The following HBQ1 variants were observed in gnomAD, a reference collection of about 807,000 sequenced individuals.
The protein encoded by HBQ1 is hemoglobin subunit theta-1.
HBQ1 carries 9 observed loss-of-function variants against 8.2 expected under a neutral mutation model. The ratio of observed to expected loss-of-function variants is 1.10; its 90% CI spans 0.66 to 1.92. HBQ1 has a LOEUF of 1.92. Among genes scored for constraint, HBQ1 ranks in the 40% most tolerant of loss-of-function variants. The pLI is 0.00. For synonymous variants in HBQ1, 102 were observed against 100.0 expected (o/e 1.02, Z -0.12); for missense variants, 216 against 189.3 (o/e 1.14, Z -0.83).
chr16:180,611 G>T, intron 1 of HBQ1, 30 bp downstream of exon 1: 1 of 1,513,652 alleles, frequency 6.6e-7, no homozygotes. Context: ...CCCGCCCCCA[G>T]GGGCCCTCCC....
In HBQ1 at chr16:180,464, G is replaced by A. The variant is rs1435496434; in HGVS notation, c.-23G>A. ...CGCGCAGGCGCAGCGGGGTCGCAGG[G>A]CGCGGCGGGTTCCAGCGCGGGGATG... On this transcript the variant is annotated 5_prime_UTR_variant, in exon 1 of 3. Coordinates refer to ENST00000199708, the MANE Select transcript of HBQ1 (RefSeq NM_005331.5). The A allele has an allele frequency of 9.0e-6, 13 of 1,438,048 alleles. No individual in the cohort carries two copies. Among genetic ancestry groups the A allele is most frequent in the Admixed American group, 2.4e-5 (1 of 41,378 alleles). The allele number at this position is 1,438,048 out of a possible 1,614,324, so 89.1% of individuals were successfully genotyped here. A position where few individuals can be genotyped will look rare whatever the true frequency, so the allele number is the denominator to read the frequency against.
In HBQ1 at chr16:180,467, C is replaced by T. The variant is rs1219685511; in HGVS notation, c.-20C>T. The T allele has an allele frequency of 2.8e-6, 4 of 1,449,842 alleles. No homozygotes were observed. The highest frequency in any genetic ancestry group is 2.7e-6 in the Non-Finnish European group (3 of 1,099,518). The allele number at this position is 1,449,842 out of a possible 1,614,324, so 89.8% of individuals were successfully genotyped here. On this transcript the variant is annotated 5_prime_UTR_variant, in exon 1 of 3. Coordinates refer to ENST00000199708, the MANE Select transcript of HBQ1 (RefSeq NM_005331.5). The stretch of plus-strand genomic sequence containing the variant: ...GCAGGCGCAGCGGGGTCGCAGGGCG[C>T]GGCGGGTTCCAGCGCGGGGATGGCG...
Position 180,813 on chromosome 16 carries a change from G to T in HBQ1, c.243G>T (p.Leu81=). The change falls in exon 2 of 3, where the codon CTG becomes CTT. Residue 81 remains leucine (L), a synonymous_variant. Transcript: ENST00000199708. The part of the protein sequence containing the change: ...VERLDDLPHA[L]SALSHLHACQ... Reference sequence around the variant, plus strand: ...GCCTGGACGACCTACCCCACGCGCTGTCCGCGCTGAGCCACCTGCACGCGT... The same window carrying T: ...GCCTGGACGACCTACCCCACGCGCTTTCCGCGCTGAGCCACCTGCACGCGT... 6.4e-7 allele frequency: 1 copy of T among 1,555,006 alleles called. No homozygotes were observed. Among genetic ancestry groups the T allele is most frequent in the Non-Finnish European group, 8.7e-7 (1 of 1,154,220 alleles).
chr16:180,617 C>CA, intron 1 of HBQ1, 36 bp downstream of exon 1: 1 of 1,528,988 alleles, frequency 6.5e-7, no homozygotes, highest in Non-Finnish European at 8.8e-7. Flanking sequence ...CCCAGGGGCC[C>CA]TCCCTCCCCA....
chr16:180,777 C>A lies in HBQ1; in HGVS notation c.207C>A (p.Leu69=). 6.4e-7 allele frequency: 1 copy of A among 1,567,962 alleles called. No individual in the cohort carries two copies. The change falls in exon 2 of 3, where the codon CTC becomes CTA. Residue 69 remains leucine (L), a synonymous_variant. Coordinates refer to ENST00000199708, the MANE Select transcript of HBQ1 (RefSeq NM_005331.5). ...AGAAGGTGGCGGACGCGCTGAGCCT[C>A]GCCGTGGAGCGCCTGGACGACCTAC... ...HGQKVADALS[L]AVERLDDLPH... is the part of the protein sequence containing the mutation.
In HBQ1 at chr16:181,032, T is replaced by G. The variant is rs1408514611; in HGVS notation, c.353T>G (p.Phe118Cys). The G allele has an allele frequency of 1.9e-6, 3 of 1,613,098 alleles. No individual in the cohort carries two copies. The part of the protein sequence containing the change: ...VTLARHYPGD[F>C]SPALQASLDK... ...CTCGCCCGGCACTACCCCGGAGACT[T>G]CAGCCCCGCGCTGCAGGCGTCGCTG... Residue 118 changes from phenylalanine (F) to cysteine (C), a missense_variant, in exon 3 of 3, where the codon TTC becomes TGC. By Grantham distance (205) the Phe-to-Cys change is radical. Coordinates refer to ENST00000199708, the MANE Select transcript of HBQ1 (RefSeq NM_005331.5).
At chr16:180,937 G>A (rs1902251348) in intron 2 of HBQ1, 43 bp from the exon 3 acceptor site, 1 of 1,524,898 alleles carries the variant, frequency 6.6e-7, no homozygotes, top group East Asian at 2.4e-5. Context: ...CGGGGGGCGT[G>A]CGGGGCGGGT....
intron 1 of HBQ1, 33 bp downstream of exon 1, chr16:180,614 G>GCCCT: frequency 6.5e-7 from 1 of 1,528,550 alleles, no homozygotes; most frequent in Admixed American, 2.0e-5. Context: ...GCCCCCAGGG[G>GCCCT]CCCTCCCTCC....
chr16:180,653 G>C lies in HBQ1; in HGVS notation c.96-13G>C, dbSNP rs1902243514. On this transcript the variant is annotated splice_polypyrimidine_tract_variant and intron_variant, in intron 1 of 2. Transcript: ENST00000199708. ...AGCCCCCCGGACGCGCCTCACCCACGTTCCTCTCGCAGGACCTTCCTGGCT... is the reference window on the plus strand; with the variant it reads ...AGCCCCCCGGACGCGCCTCACCCACCTTCCTCTCGCAGGACCTTCCTGGCT... The C allele has an allele frequency of 3.1e-6, 4 of 1,276,158 alleles. No homozygotes were observed. The highest frequency in any genetic ancestry group is 4.2e-6 in the Non-Finnish European group (4 of 955,340). 79.1% of individuals were successfully genotyped at this position (1,276,158 alleles called of 1,614,324 possible).
chr16:181,045 G>C lies in HBQ1; in HGVS notation c.366G>C (p.Leu122=). Residue 122 remains leucine, a synonymous_variant, in exon 3 of 3, where the codon CTG becomes CTC. Transcript: ENST00000199708. ...ACCCCGGAGACTTCAGCCCCGCGCT[G>C]CAGGCGTCGCTGGACAAGTTCCTGA... ...RHYPGDFSPA[L]QASLDKFLSH... The C allele has an allele frequency of 1.9e-6, 3 of 1,613,244 alleles. No individual in the cohort carries two copies. Among genetic ancestry groups the C allele is most frequent in the Non-Finnish European group, 2.5e-6 (3 of 1,179,878 alleles).
In HBQ1 at chr16:181,097, G is replaced by T. The variant is rs1237088449; in HGVS notation, c.418G>T (p.Glu140Ter). 16 of 1,613,166 alleles carry T rather than the reference G, an allele frequency of 9.9e-6. No homozygotes were observed. Among genetic ancestry groups the T allele is most frequent in the East Asian group, 2.2e-5 (1 of 44,852 alleles). The change falls in exon 3 of 3, where the codon GAG (glutamate) becomes TAG (stop). Residue 140 changes from glutamate to a stop codon, truncating the protein, a stop_gained. Transcript: ENST00000199708. LOFTEE classifies it high-confidence loss of function. ...CCACGTTATCTCGGCGCTGGTTTCC[G>T]AGTACCGCTGAACTGTGGGTGGGTG... is the stretch of plus-strand genomic sequence containing the variant. ...LSHVISALVS[E>*]YR
rs1472370804 is a variant in HBQ1 at position 181,103 on chromosome 16, C to T, written c.424C>T (p.Arg142Cys). The T allele has an allele frequency of 3.1e-6, 5 of 1,612,900 alleles. No individual in the cohort carries two copies. The highest frequency in any genetic ancestry group is 4.2e-6 in the Non-Finnish European group (5 of 1,179,756). Reference sequence around the variant, plus strand: ...TATCTCGGCGCTGGTTTCCGAGTACCGCTGAACTGTGGGTGGGTGGCCGCG... The same window carrying T: ...TATCTCGGCGCTGGTTTCCGAGTACTGCTGAACTGTGGGTGGGTGGCCGCG... ...HVISALVSEYR is the reference protein window; with the variant it reads ...HVISALVSEYC The change falls in exon 3 of 3, where the codon CGC becomes TGC. Residue 142 changes from arginine to cysteine, a missense_variant. Physicochemically the swap from Arg to Cys is radical, Grantham distance 180 (BLOSUM62 -3). Coordinates refer to ENST00000199708, the MANE Select transcript of HBQ1 (RefSeq NM_005331.5).
In HBQ1 at chr16:180,970, C is replaced by G; in HGVS notation, c.301-10C>G. On this transcript the variant is annotated splice_polypyrimidine_tract_variant and intron_variant, in intron 2 of 2. Coordinates refer to ENST00000199708, the MANE Select transcript of HBQ1 (RefSeq NM_005331.5). ...GGTGCAGGCGAGTGAGCCTTGAGCG[C>G]TCGCCGCAGCTCCTGGGCCACTGCC... is the stretch of plus-strand genomic sequence containing the variant. 6.3e-7 allele frequency: 1 copy of G among 1,597,912 alleles called. No homozygotes were observed. The highest frequency in any genetic ancestry group is 8.5e-7 in the Non-Finnish European group (1 of 1,173,298).
At chr16:180,941 G>A (rs1267099617) in intron 2 of HBQ1, 39 bp from the exon 3 acceptor site, 5 of 1,533,304 alleles carry the variant, frequency 3.3e-6, no homozygotes, top group Non-Finnish European at 4.4e-6. Context: ...GGGCGTGCGG[G>A]GCGGGTGCAG....
rs1361737271 is a variant in HBQ1 at position 180,851 on chromosome 16, T to G, written c.281T>G (p.Val94Gly). ...CACCTGCACGCGTGCCAGCTGCGAG[T>G]GGACCCGGCCAGCTTCCAGGTGAGC... ...LSHLHACQLR[V>G]DPASFQLLGH... The change falls in exon 2 of 3, where the codon GTG (valine) becomes GGG (glycine). Residue 94 changes from valine to glycine, a missense_variant. Transcript: ENST00000199708. 1 of 1,540,282 alleles carries G rather than the reference T, an allele frequency of 6.5e-7. No homozygotes were observed. Among genetic ancestry groups the G allele is most frequent in the Non-Finnish European group, 8.7e-7 (1 of 1,146,656 alleles).
rs3888816 is a variant in HBQ1 at position 180,928 on chromosome 16, G to C, written c.301-52G>C. 1.7e-3 allele frequency: 2,639 copies of C among 1,514,862 alleles called. 35 individuals are homozygous for C. In the African/African-American group the frequency reaches 0.033, roughly 19 times the overall value. The allele number at this position is 1,514,862 out of a possible 1,614,324, so 93.8% of individuals were successfully genotyped here. A position where few individuals can be genotyped will look rare whatever the true frequency, so the allele number is the denominator to read the frequency against. On this transcript the variant is annotated intron_variant, in intron 2 of 2. Coordinates refer to ENST00000199708, the MANE Select transcript of HBQ1 (RefSeq NM_005331.5). ...GGGAGGGCCCCGGCGGGGTGGGTGCGGGGGGCGTGCGGGGCGGGTGCAGGC... is the reference window on the plus strand; with the variant it reads ...GGGAGGGCCCCGGCGGGGTGGGTGCCGGGGGCGTGCGGGGCGGGTGCAGGC...
In HBQ1 at chr16:180,685, G is replaced by C; in HGVS notation, c.115G>C (p.Ala39Pro). 1 of 1,528,794 alleles carries C rather than the reference G, an allele frequency of 6.5e-7. No individual in the cohort carries two copies. Among genetic ancestry groups the C allele is most frequent in the Non-Finnish European group, 8.8e-7 (1 of 1,134,092 alleles). The allele number at this position is 1,528,794 out of a possible 1,614,324, so 94.7% of individuals were successfully genotyped here. A position where few individuals can be genotyped will look rare whatever the true frequency, so the allele number is the denominator to read the frequency against. Residue 39 changes from alanine to proline, a missense_variant, in exon 2 of 3, where the codon GCC (alanine) becomes CCC (proline). Transcript: ENST00000199708. Reference protein sequence around the residue: ...ALERTFLAFPATKTYFSHLDL... With the variant: ...ALERTFLAFPPTKTYFSHLDL... ...TCGCAGGACCTTCCTGGCTTTCCCC[G>C]CCACGAAGACCTACTTCTCCCACCT... is the stretch of plus-strand genomic sequence containing the variant.
At chr16:180,913 C>G (rs768644435) in intron 2 of HBQ1, 43 bp downstream of exon 2, 2 of 1,509,064 alleles carry the variant, frequency 1.3e-6, no homozygotes, top group Non-Finnish European at 8.8e-7. Flanking sequence ...GGGAGGGCCC[C>G]GGCGGGGTGG....
At position 180,578 on chromosome 16, in the gene HBQ1, A is replaced by C. The variant is rs1042860586; in HGVS notation, c.92A>C (p.Glu31Ala). The C allele has an allele frequency of 1.2e-5, 18 of 1,541,198 alleles. No individual in the cohort carries two copies. The highest frequency in any genetic ancestry group is 1.5e-5 in the Non-Finnish European group (17 of 1,145,532). ...GGCGTCTACACGACAGAGGCCCTGG[A>C]AAGGTGCGGCAGGCTGGGCGCCCCC... is the stretch of plus-strand genomic sequence containing the variant. ...NVGVYTTEALERTFLAFPATK... is the reference protein window; with the variant it reads ...NVGVYTTEALARTFLAFPATK... The change falls in exon 1 of 3, where the codon GAA becomes GCA. Residue 31 changes from glutamate to alanine, a missense_variant. Physicochemically the swap from Glu to Ala is moderately radical, Grantham distance 107. Transcript: ENST00000199708.
Sources: allele counts gnomAD v4.1 joint callset, GRCh38; gene constraint gnomAD v4.1.1; transcripts MANE v1.5; gene names NCBI Gene and HGNC (gene_info 2026-07-23, HGNC 2026-07-21).